The following ADAM17 variants were observed in gnomAD, a reference collection of about 807,000 sequenced individuals.
ADAM17 encodes the protein disintegrin and metalloproteinase domain-containing protein 17.
Under a neutral mutation model 96.7 loss-of-function variants are expected in ADAM17, and 39 were observed. That is an observed-to-expected ratio of 0.40 (90% CI 0.31 to 0.53). ADAM17 has a LOEUF of 0.53. Ranked by LOEUF, ADAM17 falls within the 20% of genes least tolerant of loss-of-function variation. The pLI is 0.44. For missense variants in ADAM17, 777 were observed against 1,013.2 expected (o/e 0.77, Z 3.17); for synonymous variants, 344 against 359.2 (o/e 0.96, Z 0.48).
intron 16 of ADAM17, among the ~76,000 whole-genome samples, chr2:9,493,428 ACT>A (rs1408994066): frequency 2.0e-5 from 3 of 152,066 alleles, no homozygotes; most frequent in Non-Finnish European, 4.4e-5. Flanking sequence ...TCAAATAAAC[ACT>A]CTTACATCAA....
At chr2:9,553,385 A>T (rs1665640393) in intron 1 of ADAM17, among the ~76,000 whole-genome samples, 1 of 152,118 alleles carries the variant, frequency 6.6e-6, no homozygotes, top group Admixed American at 6.5e-5. Context: ...TTAAAAAAAA[A>T]AAAAGAGGCC....
chr2:9,497,524 AAAG>A (rs965999959), intron 13 of ADAM17, among the ~76,000 whole-genome samples: 102 of 152,288 alleles, frequency 6.7e-4, no homozygotes, highest in African/African-American at 2.4e-3. Flanking sequence ...GTCATATATA[AAAG>A]AATATCCTAT....
intron 10 of ADAM17, among the ~76,000 whole-genome samples, chr2:9,511,083 C>T (rs1663706571): frequency 6.6e-6 from 1 of 152,052 alleles, no homozygotes; most frequent in African/African-American, 2.4e-5. Flanking sequence ...CCTCACATGC[C>T]CCTCGGCCCA....
intron 8 of ADAM17, 71 bp downstream of exon 8, chr2:9,521,132 A>C: frequency 7.9e-7 from 1 of 1,270,210 alleles, no homozygotes; most frequent in Non-Finnish European, 1.1e-6. Context: ...TCCTTCATTA[A>C]AACACATACA....
At chr2:9,522,623 A>G (rs1664359127) in intron 7 of ADAM17, among the ~76,000 whole-genome samples, 2 of 152,294 alleles carry the variant, frequency 1.3e-5, no homozygotes, top group African/African-American at 4.8e-5. Context: ...AAAAGCTTGG[A>G]AAAAAATAGA....
chr2:9,529,843 C>T (rs1005788529), intron 4 of ADAM17, among the ~76,000 whole-genome samples: 15 of 151,354 alleles, frequency 9.9e-5, no homozygotes, highest in African/African-American at 3.2e-4. Flanking sequence ...TGGTGGTGGG[C>T]GCCTGTAATC....
In ADAM17 at chr2:9,490,476, T is replaced by C. The variant is rs1422208960; in HGVS notation, c.2176A>G (p.Ile726Val). Reference protein sequence around the residue: ...LSSMDSASVRIIKPFPAPQTP... With the variant: ...LSSMDSASVRVIKPFPAPQTP... ...TGGGGCGCAGGAAAGGGTTTGATAATGCGAACCGATGCAGAATCCATGCTG... is the reference window on the plus strand; with the variant it reads ...TGGGGCGCAGGAAAGGGTTTGATAACGCGAACCGATGCAGAATCCATGCTG... Residue 726 changes from isoleucine to valine, a missense_variant, in exon 19 of 19, where the codon ATT becomes GTT. Physicochemically the swap from Ile to Val is conservative, Grantham distance 29 (BLOSUM62 3). Around this residue, in one of 3 missense-constraint regions of ADAM17, gnomAD observed 197 missense variants for 219.4 expected, o/e 0.90. Transcript: ENST00000310823. 6.2e-7 allele frequency: 1 copy of C among 1,614,084 alleles called. No homozygotes were observed. Among genetic ancestry groups the C allele is most frequent in the Admixed American group, 1.7e-5 (1 of 60,018 alleles).
intron 13 of ADAM17, 91 bp downstream of exon 13, chr2:9,502,082 G>T: frequency 8.9e-7 from 1 of 1,125,778 alleles, no homozygotes. Flanking sequence ...AAAATAAGGT[G>T]TCTCTCATCT....
At position 9,536,021 on chromosome 2, in the gene ADAM17, G is replaced by C. The variant is rs998113071; in HGVS notation, c.362-99C>G. ...AATTAAATCCTTCAGGGTGGAATTTGCCTAGTACTGTGAGAGCTCTGCAAA... is the reference window on the plus strand; with the variant it reads ...AATTAAATCCTTCAGGGTGGAATTTCCCTAGTACTGTGAGAGCTCTGCAAA... On this transcript the variant is annotated intron_variant, in intron 3 of 18. Transcript: ENST00000310823. The C allele has an allele frequency of 4.9e-5, 36 of 731,714 alleles. No homozygotes were observed. The African/African-American group carries it at 5.0e-4, about 10-fold the overall frequency. 45.3% of individuals were successfully genotyped at this position (731,714 alleles called of 1,614,324 possible).
At chr2:9,513,690 G>T (rs952672096) in intron 10 of ADAM17, among the ~76,000 whole-genome samples, 12 of 151,988 alleles carry the variant, frequency 7.9e-5, no homozygotes, top group African/African-American at 2.9e-4. Flanking sequence ...CAGTTTGAGA[G>T]ATTTTTTCCC....
At chr2:9,518,550 A>G (rs935818728) in intron 8 of ADAM17, among the ~76,000 whole-genome samples, 1 of 152,222 alleles carries the variant, frequency 6.6e-6, no homozygotes, top group African/African-American at 2.4e-5. Context: ...TTCTGAAGAC[A>G]TACAGCCCAG....
At chr2:9,493,031 C>G in intron 16 of ADAM17, 45 bp from the exon 17 acceptor site, 1 of 1,486,040 alleles carries the variant, frequency 6.7e-7, no homozygotes, top group Non-Finnish European at 9.2e-7. Context: ...AAGTACTTCA[C>G]AAATCTAAAG....
intron 17 of ADAM17, among the ~76,000 whole-genome samples, chr2:9,492,274 T>A (rs1260612851): frequency 1.3e-5 from 2 of 152,318 alleles, no homozygotes; most frequent in East Asian, 3.9e-4. Flanking sequence ...TGCAAGTGAA[T>A]GGATTCGTAA....
intron 17 of ADAM17, among the ~76,000 whole-genome samples, chr2:9,491,358 G>GAAAT (rs1015781410): frequency 3.9e-5 from 6 of 152,202 alleles, no homozygotes; most frequent in African/African-American, 1.4e-4. Flanking sequence ...GCACTCAAAG[G>GAAAT]AAATACATTT....
chr2:9,520,621 G>C (rs1263683047), intron 8 of ADAM17, among the ~76,000 whole-genome samples: 3 of 152,198 alleles, frequency 2.0e-5, no homozygotes, highest in Admixed American at 2.0e-4. Context: ...ATTTTCTAGA[G>C]AAGATCCACT....
Position 9,490,162 on chromosome 2 carries a change from G to A in ADAM17, c.*15C>T. 1.9e-6 allele frequency: 3 copies of A among 1,577,112 alleles called. 1 individual carries two copies. The South Asian group carries it at 3.4e-5, about 18-fold the overall frequency. On this transcript the variant is annotated 3_prime_UTR_variant, in exon 19 of 19. Coordinates refer to ENST00000310823, the MANE Select transcript of ADAM17 (RefSeq NM_003183.6). The stretch of plus-strand genomic sequence containing the variant: ...AATATTTTGCACACTTAAGTCAGAA[G>A]AGCTGAGAACTAAATTAGCACTCTG...
chr2:9,532,492 G>A (rs1047674886), intron 4 of ADAM17, among the ~76,000 whole-genome samples: 13 of 152,192 alleles, frequency 8.5e-5, no homozygotes, highest in African/African-American at 2.9e-4. Context: ...GTATGTGTGA[G>A]ATAGGGTCTC....
chr2:9,511,071 C>T (rs1663706114), intron 10 of ADAM17, among the ~76,000 whole-genome samples: 1 of 152,144 alleles, frequency 6.6e-6, no homozygotes, highest in South Asian at 2.1e-4. Context: ...ATTGTCCAGC[C>T]TCCTCACATG....
intron 13 of ADAM17, among the ~76,000 whole-genome samples, chr2:9,498,926 C>T (rs1662813080): frequency 6.6e-6 from 1 of 152,066 alleles, no homozygotes; most frequent in South Asian, 2.1e-4. Flanking sequence ...GCATGGTCCC[C>T]AAAGTTTAGC....
Sources: gnomAD v4.1 joint callset for allele counts (sites outside exome capture counted in the v4.1 genomes callset) on GRCh38, gnomAD v4.1.1 for gene constraint, gnomAD v4.1.1 regional missense constraint, MANE v1.5 for transcripts, NCBI Gene and HGNC (gene_info 2026-07-23, HGNC 2026-07-21) for gene names.